The following KLF12 variants were observed in gnomAD, a reference collection of about 807,000 sequenced individuals.
KLF12 encodes Krueppel-like factor 12.
KLF12 carries 9 observed loss-of-function variants against 37.8 expected under a neutral mutation model. The ratio of observed to expected loss-of-function variants is 0.24; its 90% CI spans 0.14 to 0.42. The LOEUF is 0.42. Ranked by LOEUF, KLF12 falls within the 10% of genes least tolerant of loss-of-function variation. KLF12 has a pLI of 1.00. For missense variants in KLF12, 411 were observed against 516.0 expected, an observed-to-expected ratio of 0.80 and a Z score of 1.97; for synonymous variants, 208 against 202.1, an observed-to-expected ratio of 1.03 and a Z score of -0.25.
At chr13:73,724,912 G>C (rs998359760) in intron 6 of KLF12, among the ~76,000 whole-genome samples, 2 of 152,076 alleles carry the variant, frequency 1.3e-5, no homozygotes, top group Non-Finnish European at 2.9e-5. Context: ...AGGAAAATCT[G>C]CTTGGCAACA....
At chr13:73,953,970 C>CTTTTTTT (rs67945624) in intron 2 of KLF12, among the ~76,000 whole-genome samples, 22 of 88,534 alleles carry the variant, frequency 2.5e-4, no homozygotes, top group African/African-American at 9.7e-4. Flanking sequence ...TTTTTTCTTT[C>CTTTTTTT]TTTTTTTTTT....
chr13:74,187,243 G>A, the KLF12 span, among the ~76,000 whole-genome samples: 4 of 151,842 alleles, frequency 2.6e-5, no homozygotes, highest in African/African-American at 7.3e-5. Context: ...ACGATCACTC[G>A]AACCCAGATG....
chr13:73,738,116 T>C (rs1194656761), intron 6 of KLF12, among the ~76,000 whole-genome samples: 3 of 66,584 alleles, frequency 4.5e-5, no homozygotes, highest in Middle Eastern at 7.8e-3. Flanking sequence ...TATATATATA[T>C]ATATATATAC....
intron 1 of KLF12, among the ~76,000 whole-genome samples, chr13:74,116,198 A>AT (rs1005752850): frequency 1.5e-4 from 23 of 152,132 alleles, no homozygotes; most frequent in African/African-American, 1.2e-4. Flanking sequence ...CTTCACCAGC[A>AT]TTTTTTTTAC....
intron 4 of KLF12, among the ~76,000 whole-genome samples, chr13:73,825,664 T>C (rs944466503): frequency 1.3e-5 from 2 of 152,168 alleles, no homozygotes; most frequent in African/African-American, 4.8e-5. Flanking sequence ...GTTTAATAAA[T>C]AGAAAGGTTG....
intron 6 of KLF12, among the ~76,000 whole-genome samples, chr13:73,750,625 AGC>A (rs1417743352): frequency 1.3e-5 from 2 of 152,188 alleles, no homozygotes; most frequent in African/African-American, 4.8e-5. Context: ...TTCACAGAAA[AGC>A]ATTTTTCAAT....
the KLF12 span, chr13:74,258,341 T>C: frequency 6.6e-6 from 1 of 152,178 alleles, no homozygotes; most frequent in Non-Finnish European, 1.5e-5. Flanking sequence ...TGTGTGACTT[T>C]GCTGAAGTCA....
At chr13:74,134,381 G>A (rs1010413056), upstream of KLF12, among the ~76,000 whole-genome samples, 3 of 151,832 alleles carry the variant, frequency 2.0e-5, no homozygotes, top group Non-Finnish European at 4.4e-5. Context: ...TCCGCCCGAG[G>A]ATTAGGAGGC....
chr13:73,817,905 T>A (rs1221978761), intron 4 of KLF12, among the ~76,000 whole-genome samples: 2 of 152,262 alleles, frequency 1.3e-5, no homozygotes, highest in Admixed American at 1.3e-4. Context: ...TGTGCAAAAT[T>A]AGATTTGTTT....
intron 5 of KLF12, among the ~76,000 whole-genome samples, chr13:73,798,719 A>G (rs1242899124): frequency 6.6e-6 from 1 of 152,196 alleles, no homozygotes; most frequent in African/African-American, 2.4e-5. Flanking sequence ...AATGAGGAGC[A>G]TCTCCCACCA....
chr13:74,048,550 G>C (rs1410842961), intron 1 of KLF12, among the ~76,000 whole-genome samples: 1 of 152,026 alleles, frequency 6.6e-6, no homozygotes, highest in African/African-American at 2.4e-5. Context: ...TCACATTTTA[G>C]ACCATTGAGA....
intron 3 of KLF12, among the ~76,000 whole-genome samples, chr13:73,863,677 G>A (rs149125072): frequency 1.1e-3 from 169 of 152,194 alleles, no homozygotes; most frequent in African/African-American, 3.9e-3. Flanking sequence ...GTATACTGTA[G>A]GGTCAAATAT....
intron 4 of KLF12, among the ~76,000 whole-genome samples, chr13:73,817,483 T>C (rs571318646): frequency 5.3e-5 from 8 of 152,256 alleles, no homozygotes; most frequent in African/African-American, 1.9e-4. Context: ...TTCCTAGCAA[T>C]GATGGAGATG....
chr13:73,867,153 T>C (rs1171422488), intron 3 of KLF12, among the ~76,000 whole-genome samples: 1 of 152,142 alleles, frequency 6.6e-6, no homozygotes, highest in African/African-American at 2.4e-5. Context: ...TTTTTATGGT[T>C]TTAAAATTAT....
At chr13:73,968,850 A>C (rs1437556467) in intron 2 of KLF12, among the ~76,000 whole-genome samples, 1 of 152,092 alleles carries the variant, frequency 6.6e-6, no homozygotes, top group Non-Finnish European at 1.5e-5. Flanking sequence ...CTGAAGTCCA[A>C]GTCATGCTCA....
intron 3 of KLF12, among the ~76,000 whole-genome samples, chr13:73,930,622 A>T (rs1889621279): frequency 6.6e-6 from 1 of 152,304 alleles, no homozygotes; most frequent in South Asian, 2.1e-4. Flanking sequence ...CACACATGAT[A>T]AGACATAGTA....
chr13:74,242,872 C>T, the KLF12 span, among the ~76,000 whole-genome samples: 1 of 152,246 alleles, frequency 6.6e-6, no homozygotes, highest in Non-Finnish European at 1.5e-5. Flanking sequence ...TCTGGGCACT[C>T]GGGGAAGTTG....
the KLF12 span, among the ~76,000 whole-genome samples, chr13:74,265,387 G>A: frequency 6.6e-6 from 1 of 152,102 alleles, no homozygotes; most frequent in Non-Finnish European, 1.5e-5. Context: ...AGATATATGG[G>A]CAATCACAAA....
chr13:73,843,974 T>C (rs1884883529), intron 4 of KLF12, among the ~76,000 whole-genome samples: 1 of 152,152 alleles, frequency 6.6e-6, no homozygotes, highest in African/African-American at 2.4e-5. Flanking sequence ...TATTACTTTA[T>C]ATATACTTTC....
Sources: allele counts gnomAD v4.1 joint callset (sites outside exome capture counted in the v4.1 genomes callset), GRCh38; gene constraint gnomAD v4.1.1; transcripts MANE v1.5; gene names NCBI Gene and HGNC (gene_info 2026-07-23, HGNC 2026-07-21).